Variants in SLC4A10 observed in about 807,000 individuals in gnomAD.
The protein encoded by SLC4A10 is solute carrier family 4 member 10.
In SLC4A10, 42 loss-of-function variants were observed where a neutral mutation model predicts 137.7. The observed-to-expected ratio is 0.30, with a 90% CI of 0.24 to 0.39. SLC4A10 has a LOEUF of 0.39. Ranked by LOEUF, SLC4A10 falls within the 10% of genes least tolerant of loss-of-function variation. The pLI, the probability that SLC4A10 is intolerant of heterozygous loss-of-function variation, is 1.00. For missense variants in SLC4A10, 925 were observed against 1,355.0 expected (o/e 0.68, Z 4.98); for synonymous variants, 474 against 464.1 (o/e 1.02, Z -0.27).
intron 1 of SLC4A10, among the ~76,000 whole-genome samples, chr2:161,658,461 C>T (rs1174839228): frequency 6.6e-6 from 1 of 152,074 alleles, no homozygotes; most frequent in African/African-American, 2.4e-5. Flanking sequence ...CTGAACTCAG[C>T]AAAATCAAAG....
intron 1 of SLC4A10, among the ~76,000 whole-genome samples, chr2:161,765,006 C>G (rs931616030): frequency 2.0e-5 from 3 of 152,102 alleles, no homozygotes; most frequent in Non-Finnish European, 4.4e-5. Context: ...GTTACTGTTA[C>G]TCTGTTCCAG....
chr2:161,969,926 A>G lies in SLC4A10; in HGVS notation c.3160-4323A>G, dbSNP rs140503795. Among the ~76,000 whole-genome samples, 424 of 152,304 alleles carry G rather than the reference A, an allele frequency of 2.8e-3. 2 individuals are homozygous for G. Among genetic ancestry groups the G allele is most frequent in the Middle Eastern group, 6.8e-3 (2 of 294 alleles). On this transcript the variant is annotated intron_variant, in intron 23 of 26. Transcript: ENST00000446997. ...CTGAATCTTAGAGTGGGGCAAGCAT[A>G]TTCTTCTTCCATAAGCAGTGGTTGC...
chr2:161,754,143 A>G (rs944014900), intron 1 of SLC4A10, among the ~76,000 whole-genome samples: 1 of 151,810 alleles, frequency 6.6e-6, no homozygotes, highest in African/African-American at 2.4e-5. Flanking sequence ...GGCTCAAGTT[A>G]TCTGTGCCTC....
At chr2:161,825,153 TA>T (rs2057931046) in intron 3 of SLC4A10, among the ~76,000 whole-genome samples, 1 of 152,218 alleles carries the variant, frequency 6.6e-6, no homozygotes, top group African/African-American at 2.4e-5. Context: ...AACAGTAGGC[TA>T]TTAGTAGTTA....
intron 4 of SLC4A10, among the ~76,000 whole-genome samples, chr2:161,846,513 C>T (rs2059506582): frequency 6.6e-6 from 1 of 152,130 alleles, no homozygotes; most frequent in South Asian, 2.1e-4. Context: ...CACACAAAGA[C>T]CTCTGCATGA....
chr2:161,965,201 G>T (rs1202083335), intron 23 of SLC4A10, 28 bp downstream of exon 23: 1 of 1,568,248 alleles, frequency 6.4e-7, no homozygotes, highest in African/African-American at 1.4e-5. Context: ...GTTTTATAAA[G>T]AAAGAAAAAA....
At chr2:161,696,897 G>A (rs547475769) in intron 1 of SLC4A10, among the ~76,000 whole-genome samples, 23 of 152,216 alleles carry the variant, frequency 1.5e-4, no homozygotes, top group Admixed American at 1.0e-3. Context: ...TTCCACAATG[G>A]TTGAACTAGT....
At chr2:161,981,137 A>G (rs1048644400) in intron 26 of SLC4A10, among the ~76,000 whole-genome samples, 1 of 152,250 alleles carries the variant, frequency 6.6e-6, no homozygotes, top group African/African-American at 2.4e-5. Context: ...AAGCACATCT[A>G]TGGATCAAGT....
At chr2:161,834,632 A>G (rs2058644867) in intron 3 of SLC4A10, among the ~76,000 whole-genome samples, 2 of 151,464 alleles carry the variant, frequency 1.3e-5, no homozygotes, top group Non-Finnish European at 2.9e-5. Context: ...AGTTTATTAG[A>G]AACATCAGGG....
chr2:161,718,036 A>G (rs1559097695), intron 1 of SLC4A10, among the ~76,000 whole-genome samples: 1 of 152,068 alleles, frequency 6.6e-6, no homozygotes. Context: ...CAGTGTGAGG[A>G]GGGTGTATGT....
In SLC4A10 at chr2:161,835,779, G is replaced by T. The variant is rs117129532; in HGVS notation, c.278-4010G>T. On this transcript the variant is annotated intron_variant, in intron 3 of 26. Coordinates refer to ENST00000446997, the MANE Select transcript of SLC4A10 (RefSeq NM_001178015.2). ...ATTGCTTATATATCCTGCTGTACCT[G>T]ATCTAATGCCTCCGGCCAAGTGGAA... Among the ~76,000 whole-genome samples, 7 of 152,298 alleles carry T rather than the reference G, an allele frequency of 4.6e-5. No individual in the cohort carries two copies. In the East Asian group the frequency reaches 1.4e-3, roughly 29 times the overall value.
intron 5 of SLC4A10, among the ~76,000 whole-genome samples, chr2:161,857,000 T>G (rs550915304): frequency 2.0e-5 from 3 of 152,298 alleles, no homozygotes; most frequent in African/African-American, 7.2e-5. Context: ...GAACATACCC[T>G]TTATACTTTT....
At chr2:161,963,296 T>C (rs1411430317) in intron 21 of SLC4A10, among the ~76,000 whole-genome samples, 1 of 152,138 alleles carries the variant, frequency 6.6e-6, no homozygotes, top group Admixed American at 6.6e-5. Flanking sequence ...ACTATAACAA[T>C]AGTGTTATGT....
chr2:161,872,407 T>A (rs1364092954), intron 7 of SLC4A10, 23 bp downstream of exon 7: 1 of 1,583,334 alleles, frequency 6.3e-7, no homozygotes, highest in Non-Finnish European at 8.7e-7. Flanking sequence ...CCCTCTCATC[T>A]AAGTAAGTTG....
At chr2:161,680,806 G>A (rs982654526) in intron 1 of SLC4A10, among the ~76,000 whole-genome samples, 3 of 151,848 alleles carry the variant, frequency 2.0e-5, no homozygotes, top group Non-Finnish European at 4.4e-5. Context: ...TATTTTAATA[G>A]CAGTCTGCAG....
At position 161,790,859 on chromosome 2, in the gene SLC4A10, G is replaced by A. The variant is rs186979072; in HGVS notation, c.131-13590G>A. ...GAAGACATACATGCGGCTGACATAG[G>A]AAAAAAAAGCTCAACATCACTAATC... On this transcript the variant is annotated intron_variant, in intron 2 of 26. Transcript: ENST00000446997. Among the ~76,000 whole-genome samples, 135 of 151,586 alleles carry A rather than the reference G, an allele frequency of 8.9e-4. 1 individual carries two copies. The highest frequency in any genetic ancestry group is 4.8e-3 in the South Asian group (23 of 4,796).
intron 15 of SLC4A10, among the ~76,000 whole-genome samples, chr2:161,927,399 T>C (rs1689365719): frequency 6.6e-6 from 1 of 152,190 alleles, no homozygotes; most frequent in South Asian, 2.1e-4. Context: ...AGCCTTGGCT[T>C]TCAGCTCCAT....
At chr2:161,885,823 A>G (rs997841346) in intron 10 of SLC4A10, among the ~76,000 whole-genome samples, 67 of 152,256 alleles carry the variant, frequency 4.4e-4, no homozygotes, top group African/African-American at 1.4e-3. Flanking sequence ...TAATAATAGA[A>G]CGGGTTCAGT....
At chr2:161,977,240 C>A in intron 25 of SLC4A10, 1 of 345,486 alleles carries the variant, frequency 2.9e-6, no homozygotes, top group Non-Finnish European at 5.7e-6. Context: ...GACTGATATG[C>A]ACTGTGTGTA....
Sources: allele counts gnomAD v4.1 joint callset (sites outside exome capture counted in the v4.1 genomes callset), GRCh38; gene constraint gnomAD v4.1.1; transcripts MANE v1.5; gene names NCBI Gene and HGNC (gene_info 2026-07-23, HGNC 2026-07-21).